Variants in DMD observed in about 807,000 individuals in gnomAD.
The protein encoded by DMD is mutant dystrophin.
DMD carries 63 observed loss-of-function variants against 330.1 expected under a neutral mutation model. The ratio of observed to expected loss-of-function variants is 0.19; its 90% CI spans 0.16 to 0.24. The LOEUF (loss-of-function observed/expected upper bound fraction) is 0.24. Among genes scored for constraint, DMD ranks in the 10% least tolerant of loss-of-function variants. DMD has a pLI of 1.00. For synonymous variants in DMD, 1,223 were observed against 959.8 expected (o/e 1.27, Z -5.07); for missense variants, 3,344 against 2,684.1 (o/e 1.25, Z -5.43).
intron 62 of DMD, among the ~76,000 whole-genome samples, chrX:31,275,155 T>TTTTG (rs2051992346): frequency 1.0e-5 from 1 of 96,418 alleles, no homozygotes; most frequent in Admixed American, 1.2e-4. Context: ...AAATCAGGTT[T>TTTTG]TGTGTGTGTG....
chrX:32,885,078 T>G (rs189196132), intron 2 of DMD, among the ~76,000 whole-genome samples: 73 of 111,916 alleles, frequency 6.5e-4, no homozygotes, highest in Non-Finnish European at 1.3e-3. Context: ...TCACACGTAA[T>G]CATTTATTAA....
At chrX:31,255,249 A>C (rs2049817925) in intron 63 of DMD, among the ~76,000 whole-genome samples, 1 of 111,404 alleles carries the variant, frequency 9.0e-6, no homozygotes, top group Middle Eastern at 4.6e-3. Flanking sequence ...TTTCAAAATA[A>C]ATTCCAGAGC....
rs1204880299 is a variant in DMD at position 32,489,739 on chromosome X, C to T, written c.2622+1538G>A. Among the ~76,000 whole-genome samples, 3 of 111,524 alleles carry T rather than the reference C, an allele frequency of 2.7e-5. No homozygotes were observed. In the East Asian group the frequency reaches 8.4e-4, roughly 31 times the overall value. On this transcript the variant is annotated intron_variant, in intron 20 of 78. Coordinates refer to ENST00000357033, the MANE Select transcript of DMD (RefSeq NM_004006.3). ...TGAATGTACTGTGTAGGTACTATTA[C>T]TAACTACTATATCTGAATCTCAAGA...
chrX:32,654,035 T>C (rs1480406210), intron 9 of DMD, among the ~76,000 whole-genome samples: 2 of 112,224 alleles, frequency 1.8e-5, no homozygotes, highest in South Asian at 3.7e-4. Flanking sequence ...GCTTATCAGC[T>C]TAAGTAGATT....
At chrX:33,032,996 G>C (rs1213169012) in intron 1 of DMD, among the ~76,000 whole-genome samples, 1 of 111,920 alleles carries the variant, frequency 8.9e-6, no homozygotes, top group East Asian at 2.8e-4. Context: ...AAGAACATTA[G>C]AGTCAGTCTT....
At chrX:31,569,080 T>C (rs2075618510) in intron 55 of DMD, among the ~76,000 whole-genome samples, 1 of 111,403 alleles carries the variant, frequency 9.0e-6, no homozygotes, top group Admixed American at 9.5e-5. Flanking sequence ...TCTACATACA[T>C]TGAGAACCAC....
chrX:32,472,539 C>G (rs1286302016), intron 21 of DMD, among the ~76,000 whole-genome samples: 1 of 111,211 alleles, frequency 9.0e-6, no homozygotes, highest in African/African-American at 3.3e-5. Flanking sequence ...CCTGTAAAAT[C>G]TATATTGTTC....
chrX:31,223,737 G>A (rs753143336), intron 63 of DMD, among the ~76,000 whole-genome samples: 1 of 112,085 alleles, frequency 8.9e-6, no homozygotes, highest in South Asian at 3.8e-4. Flanking sequence ...GAGGCCAGGA[G>A]CTTAAGACCA....
chrX:31,246,477 A>G (rs1387083567), intron 63 of DMD, among the ~76,000 whole-genome samples: 1 of 112,526 alleles, frequency 8.9e-6, no homozygotes, highest in Non-Finnish European at 1.9e-5. Context: ...TAAAGGTGAT[A>G]CTATCTAGGA....
In DMD at chrX:33,328,386, T is replaced by C. The variant is rs150604479; in HGVS notation, c.7+10873A>G. ...CTAATTTTTGTGTTTTTAGTAGAGA[T>C]GGGGTTTCACCATATTGGCCAGGCT... On this transcript the variant is annotated intron_variant, in intron 1 of 17. Transcript: ENST00000288447. 4.0e-3 allele frequency among the ~76,000 whole-genome samples: 445 copies of C among 109,882 alleles called. 2 individuals carry two copies. The highest frequency in any genetic ancestry group is 0.014 in the African/African-American group (430 of 30,148).
At chrX:31,346,998 T>C (rs2058114694) in intron 61 of DMD, among the ~76,000 whole-genome samples, 1 of 14,001 alleles carries the variant, frequency 7.1e-5, no homozygotes, top group Admixed American at 1.1e-3. Context: ...TGAGGCTCCC[T>C]CTCAAAAAAA....
rs2096211319 is a variant in DMD at position 32,060,004 on chromosome X, T to C, written c.6439-91490A>G. ...CCAAAGAAGGAGGAAACAAGTAGTTTGTTATTTGTCTTCAATTTATGCTAT... is the reference window on the plus strand; with the variant it reads ...CCAAAGAAGGAGGAAACAAGTAGTTCGTTATTTGTCTTCAATTTATGCTAT... On this transcript the variant is annotated intron_variant, in intron 44 of 78. Coordinates refer to ENST00000357033, the MANE Select transcript of DMD (RefSeq NM_004006.3). Among the ~76,000 whole-genome samples the C allele has an allele frequency of 4.5e-5, 5 of 111,298 alleles. No individual in the cohort carries two copies. In the Admixed American group the frequency reaches 4.8e-4, roughly 11 times the overall value.
At chrX:31,264,283 G>A (rs902090059) in intron 62 of DMD, among the ~76,000 whole-genome samples, 1 of 111,832 alleles carries the variant, frequency 8.9e-6, no homozygotes, top group African/African-American at 3.3e-5. Context: ...GTGGAAGGGT[G>A]GGTGGCACTG....
intron 9 of DMD, among the ~76,000 whole-genome samples, chrX:32,654,210 G>A (rs1447411507): frequency 9.0e-6 from 1 of 111,272 alleles, no homozygotes; most frequent in Admixed American, 9.6e-5. Flanking sequence ...GGTGAGAGAG[G>A]GCATCCCTGT....
chrX:32,727,652 T>C (rs918339271), intron 7 of DMD, among the ~76,000 whole-genome samples: 1 of 111,076 alleles, frequency 9.0e-6, no homozygotes, highest in Admixed American at 9.7e-5. Flanking sequence ...TACATGTTAC[T>C]GCGTCATAAC....
At chrX:32,513,154 C>T (rs6527205) in intron 18 of DMD, among the ~76,000 whole-genome samples, 8,205 of 111,654 alleles carry the variant, frequency 0.073, 553 homozygotes, top group African/African-American at 0.21. Flanking sequence ...ATGCTGGCAT[C>T]CCTAGCAATT....
At chrX:32,973,821 C>T (rs184825146) in intron 2 of DMD, among the ~76,000 whole-genome samples, 16 of 111,838 alleles carry the variant, frequency 1.4e-4, no homozygotes, top group African/African-American at 4.5e-4. Flanking sequence ...AATATGTCTA[C>T]ATATTTCCAA....
At chrX:32,266,947 C>A (rs1244530326) in intron 43 of DMD, among the ~76,000 whole-genome samples, 1 of 111,816 alleles carries the variant, frequency 8.9e-6, no homozygotes. Context: ...CTGCTACATA[C>A]AAAATCCTGA....
chrX:33,264,880 A>C (rs2053017789), intron 1 of DMD, among the ~76,000 whole-genome samples: 1 of 110,745 alleles, frequency 9.0e-6, no homozygotes, highest in African/African-American at 3.3e-5. Context: ...CCTGGCACAG[A>C]AATTATGATG....
Sources: allele counts gnomAD v4.1 joint callset (sites outside exome capture counted in the v4.1 genomes callset), GRCh38; gene constraint gnomAD v4.1.1; transcripts MANE v1.5; gene names NCBI Gene and HGNC (gene_info 2026-07-23, HGNC 2026-07-21).